ARMCX4: variants seen among roughly 807,000 people sequenced by gnomAD.
ARMCX4 encodes armadillo repeat-containing X-linked protein 4.
In ARMCX4, 3 loss-of-function variants were observed where a neutral mutation model predicts 34.7. The ratio of observed to expected loss-of-function variants is 0.09; its 90% CI spans 0.04 to 0.22. The LOEUF (loss-of-function observed/expected upper bound fraction) is 0.22. ARMCX4 is among the 10% of genes least tolerant of loss of function. ARMCX4 has a pLI of 1.00. For synonymous variants in ARMCX4, 513 were observed against 632.8 expected (o/e 0.81, Z 2.84); for missense variants, 1,448 against 1,720.8 (o/e 0.84, Z 2.81).
At position 101,474,983 on chromosome X, in the gene ARMCX4, A is replaced by G. The variant is rs377276059; in HGVS notation, c.-472-11040A>G. Reference sequence around the variant, plus strand: ...AGGGCAATTAGGCAGGAGAAGGAAGAAAAAAAAAAAAAAAAAGAAAAAGAA... The same window carrying G: ...AGGGCAATTAGGCAGGAGAAGGAAGGAAAAAAAAAAAAAAAAGAAAAAGAA... On this transcript the variant is annotated intron_variant and NMD_transcript_variant, in intron 4 of 15. Coordinates refer to the ARMCX4 transcript ENST00000433011. Among the ~76,000 whole-genome samples the G allele has an allele frequency of 7.3e-3, 549 of 74,957 alleles. 8 individuals are homozygous for G. The highest frequency in any genetic ancestry group is 0.036 in the African/African-American group (525 of 14,419). The allele number at this position is 74,957 out of a possible 115,157, so 65.1% of individuals were successfully genotyped here. A position where few individuals can be genotyped will look rare whatever the true frequency, so the allele number is the denominator to read the frequency against.
chrX:101,512,963 G>T (rs972307672), intron 11 of ARMCX4, among the ~76,000 whole-genome samples: 3 of 107,930 alleles, frequency 2.8e-5, no homozygotes, highest in African/African-American at 6.7e-5. Flanking sequence ...AATTTTTAGG[G>T]CATGCTGGCA....
downstream of ARMCX4, among the ~76,000 whole-genome samples, chrX:101,448,724 C>G (rs375574576): frequency 6.4e-3 from 709 of 109,954 alleles, 5 homozygotes; most frequent in African/African-American, 0.023. Flanking sequence ...TCCCAAGTAG[C>G]TGGGACTACA....
chrX:101,496,694 A>G (rs1934184319), downstream of ARMCX4, among the ~76,000 whole-genome samples: 1 of 111,383 alleles, frequency 9.0e-6, no homozygotes, highest in Non-Finnish European at 1.9e-5. Flanking sequence ...GCCTTTATGG[A>G]ACCATAGAGA....
rs1182467656 is a variant in ARMCX4 at position 101,516,372 on chromosome X, A to G, written c.*1780+5317A>G. On this transcript the variant is annotated intron_variant and NMD_transcript_variant, in intron 11 of 12. Coordinates refer to the ARMCX4 transcript ENST00000354842. ...CATTATAAAATTATAAGTGTATCTT[A>G]ATTGGAAGAAACATTCTTCAATAAA... The G allele has an allele frequency of 1.3e-4, 14 of 111,999 alleles. No individual in the cohort carries two copies. The Admixed American group carries it at 1.3e-3, about 11-fold the overall frequency. 9.2% of individuals were successfully genotyped at this position (111,999 alleles called of 1,213,427 possible).
At chrX:101,521,085 C>A (rs1934845360) in intron 11 of ARMCX4, among the ~76,000 whole-genome samples, 1 of 108,921 alleles carries the variant, frequency 9.2e-6, no homozygotes, top group South Asian at 4.1e-4. Flanking sequence ...ATGCCTGCCA[C>A]CATGCCTGGC....
chrX:101,489,872 C>T lies in ARMCX4; in HGVS notation c.1283C>T (p.Thr428Ile). ...AACAGAGGCAATCCCAATGCCATGA[C>T]TAAAGCAGGGGCCAAGGCAAACTTG... ...VKNRGNPNAM[T>I]KAGAKANLRA... is the part of the protein sequence containing the mutation. Residue 428 changes from threonine (T) to isoleucine (I), a missense_variant, in exon 6 of 6, where the codon ACT (threonine) becomes ATT (isoleucine). Physicochemically the swap from Thr to Ile is moderately conservative, Grantham distance 89. Coordinates refer to ENST00000423738, the MANE Select transcript of ARMCX4 (RefSeq NM_001256155.3). 1 of 1,156,273 alleles carries T rather than the reference C, an allele frequency of 8.6e-7. No homozygotes were observed. The highest frequency in any genetic ancestry group is 3.2e-5 in the East Asian group (1 of 30,784).
chrX:101,436,015 G>C (rs1408603232), intron 2 of ARMCX4, among the ~76,000 whole-genome samples: 1 of 111,454 alleles, frequency 9.0e-6, no homozygotes, highest in African/African-American at 3.3e-5. Flanking sequence ...CTCTGTTTTG[G>C]TACCAGTACC....
intron 2 of ARMCX4, among the ~76,000 whole-genome samples, chrX:101,419,696 CAA>C (rs782201119): frequency 1.8e-5 from 2 of 111,693 alleles, no homozygotes; most frequent in East Asian, 2.8e-4. Flanking sequence ...CCAGTTTTAG[CAA>C]GAGTCCTGCT....
intron 11 of ARMCX4, among the ~76,000 whole-genome samples, chrX:101,511,802 C>T (rs1360105396): frequency 4.5e-5 from 5 of 111,469 alleles, no homozygotes; most frequent in African/African-American, 1.6e-4. Context: ...ATCCTCCAAT[C>T]TCCTTCCTTG....
chrX:101,519,929 G>A (rs995344935), intron 11 of ARMCX4, among the ~76,000 whole-genome samples: 8 of 110,930 alleles, frequency 7.2e-5, no homozygotes, highest in African/African-American at 2.6e-4. Flanking sequence ...GTGATGTTGA[G>A]CATTTTTTTA....
intron 5 of ARMCX4, 73 bp downstream of exon 5, chrX:101,488,172 T>C (rs1218088161): frequency 2.4e-6 from 1 of 413,697 alleles, no homozygotes; most frequent in Non-Finnish European, 3.8e-6. Context: ...CTGGGACTTC[T>C]TGGTTGCTCC....
At chrX:101,449,305 T>A (rs1226946067), downstream of ARMCX4, among the ~76,000 whole-genome samples, 1 of 112,458 alleles carries the variant, frequency 8.9e-6, no homozygotes, top group African/African-American at 3.2e-5. Context: ...TTCTACCCCA[T>A]CTCTTTTTCT....
intron 4 of ARMCX4, among the ~76,000 whole-genome samples, chrX:101,453,113 A>C (rs948886389): frequency 9.0e-6 from 1 of 110,966 alleles, no homozygotes; most frequent in African/African-American, 3.3e-5. Flanking sequence ...ACTCAAATAC[A>C]GACTTTGTTT....
intron 8 of ARMCX4, among the ~76,000 whole-genome samples, chrX:101,506,484 CTG>C (rs1375578483): frequency 9.0e-6 from 1 of 110,976 alleles, no homozygotes; most frequent in Non-Finnish European, 1.9e-5. Flanking sequence ...TGCTTTCTCA[CTG>C]TGTCCTCATG....
chrX:101,499,836 A>T (rs145409597), downstream of ARMCX4, among the ~76,000 whole-genome samples: 913 of 111,774 alleles, frequency 8.2e-3, 10 homozygotes, highest in African/African-American at 0.027. Flanking sequence ...AACAATCTGC[A>T]CTCTATACAA....
upstream of ARMCX4, among the ~76,000 whole-genome samples, chrX:101,481,894 G>A (rs1933466785): frequency 9.0e-6 from 1 of 110,898 alleles, no homozygotes; most frequent in African/African-American, 3.3e-5. Flanking sequence ...AGCTCTTTGA[G>A]ACATAATTTT....
intron 2 of ARMCX4, among the ~76,000 whole-genome samples, chrX:101,434,489 G>A (rs1009730367): frequency 2.7e-5 from 3 of 109,938 alleles, no homozygotes; most frequent in East Asian, 2.8e-4. Flanking sequence ...CTCGTGATCC[G>A]CCTGCCTCAG....
intron 2 of ARMCX4, among the ~76,000 whole-genome samples, chrX:101,430,392 C>A (rs1008786582): frequency 4.5e-5 from 5 of 112,188 alleles, no homozygotes; most frequent in Non-Finnish European, 7.5e-5. Context: ...GAGGTCTAAT[C>A]AACTCTGAGG....
At chrX:101,430,717 C>T (rs782733964) in intron 2 of ARMCX4, among the ~76,000 whole-genome samples, 80 of 112,091 alleles carry the variant, frequency 7.1e-4, no homozygotes, top group African/African-American at 2.3e-3. Context: ...CTCTGTCTAT[C>T]CATCTATCCA....
Sources: gnomAD v4.1 joint callset for allele counts (sites outside exome capture counted in the v4.1 genomes callset) on GRCh38, gnomAD v4.1.1 for gene constraint, MANE v1.5 for transcripts, NCBI Gene and HGNC (gene_info 2026-07-23, HGNC 2026-07-21) for gene names.